Variants in TXNDC5 observed in about 807,000 individuals in gnomAD.
TXNDC5 encodes the protein thioredoxin domain-containing protein 5.
Under a neutral mutation model 52.6 loss-of-function variants are expected in TXNDC5, and 44 were observed. That is an observed-to-expected ratio of 0.84 (90% CI 0.66 to 1.08). The LOEUF is 1.08. TXNDC5 is among the 50% of genes least tolerant of loss of function. The probability of loss-of-function intolerance (pLI) is 0.00; values close to 1 mark genes in which losing one functional copy is unlikely to be tolerated. For synonymous variants in TXNDC5, 241 were observed against 234.4 expected (o/e 1.03, Z -0.26); for missense variants, 600 against 565.5 (o/e 1.06, Z -0.62).
chr6:7,888,960 G>T (rs1760100083), intron 6 of TXNDC5, 112 bp from the exon 7 acceptor site: 1 of 1,360,982 alleles, frequency 7.3e-7, no homozygotes, highest in Non-Finnish European at 9.9e-7. Context: ...TGTCTTAGCG[G>T]TGGTGCAAAG....
chr6:7,884,225 AAC>A, intron 9 of TXNDC5, 132 bp downstream of exon 9: 2 of 1,241,848 alleles, frequency 1.6e-6, no homozygotes, highest in Non-Finnish European at 2.2e-6. Context: ...TCTCCAAACA[AAC>A]AACTCAAAGG....
chr6:7,896,520 G>T (rs1760374222), intron 3 of TXNDC5, among the ~76,000 whole-genome samples: 1 of 152,226 alleles, frequency 6.6e-6, no homozygotes, highest in Non-Finnish European at 1.5e-5. Context: ...AAGCTAAGTT[G>T]TTAAAGGCTT....
chr6:7,889,733 T>A (rs1760127339), intron 5 of TXNDC5, 152 bp from the exon 6 acceptor site: 1 of 612,466 alleles, frequency 1.6e-6, no homozygotes, highest in African/African-American at 1.8e-5. Context: ...TTGAAGAGAA[T>A]GTTCCTGAAA....
At chr6:7,884,593 C>T (rs1053905017) in intron 8 of TXNDC5, 105 bp from the exon 9 acceptor site, 9 of 1,491,972 alleles carry the variant, frequency 6.0e-6, no homozygotes, top group Admixed American at 4.1e-5. Context: ...GGACAGTCAA[C>T]AATTGCCTAG....
At position 7,888,712 on chromosome 6, in the gene TXNDC5, G is replaced by A; in HGVS notation, c.956C>T (p.Ala319Val). The A allele has an allele frequency of 1.9e-6, 3 of 1,610,794 alleles. No homozygotes were observed. The highest frequency in any genetic ancestry group is 2.5e-6 in the Non-Finnish European group (3 of 1,179,036). ...EAPVLAAEPE[A>V]DKGTVLALTE... ...ACTCCAGCAGGCACCCACCTTGTCA[G>A]CCTCGGGCTCAGCTGCCAGCACCGG... Residue 319 changes from alanine to valine, a missense_variant, in exon 7 of 10, where the codon GCT becomes GTT. Coordinates refer to ENST00000379757, the MANE Select transcript of TXNDC5 (RefSeq NM_030810.5).
chr6:7,908,128 C>T (rs567147402), intron 1 of TXNDC5, among the ~76,000 whole-genome samples: 2 of 151,900 alleles, frequency 1.3e-5, no homozygotes, highest in Admixed American at 1.3e-4. Context: ...ACTAAAAATA[C>T]AAAAATTAGC....
chr6:7,892,312 C>A (rs1015338328), intron 4 of TXNDC5, among the ~76,000 whole-genome samples: 5 of 152,254 alleles, frequency 3.3e-5, no homozygotes, highest in African/African-American at 1.2e-4. Flanking sequence ...ATCAGGGAAA[C>A]ATGTAGACCA....
chr6:7,895,635 G>C (rs566185693), intron 3 of TXNDC5, among the ~76,000 whole-genome samples: 30 of 152,338 alleles, frequency 2.0e-4, no homozygotes, highest in African/African-American at 7.2e-4. Context: ...GCAGACACCA[G>C]AGTGCCCAGC....
At chr6:7,898,718 G>A (rs1010299609) in intron 3 of TXNDC5, among the ~76,000 whole-genome samples, 30 of 152,056 alleles carry the variant, frequency 2.0e-4, no homozygotes, top group African/African-American at 7.0e-4. Context: ...CTGAGCACTC[G>A]GCATTAATCA....
At chr6:7,900,874 C>G (rs756841138) in intron 2 of TXNDC5, among the ~76,000 whole-genome samples, 31 of 152,148 alleles carry the variant, frequency 2.0e-4, no homozygotes, top group Non-Finnish European at 3.2e-4. Context: ...CCTGCTCCCT[C>G]TCAAAGGCCC....
In TXNDC5 at chr6:7,900,069, G is replaced by A. The variant is rs76092208; in HGVS notation, c.414-388C>T. On this transcript the variant is annotated intron_variant, in intron 2 of 9. Coordinates refer to ENST00000379757, the MANE Select transcript of TXNDC5 (RefSeq NM_030810.5). Reference sequence around the variant, plus strand: ...TTCAAATTAGGACTGGAGCAGACACGGTGTTGTTTTGCAATTAAGGTATTC... The same window carrying A: ...TTCAAATTAGGACTGGAGCAGACACAGTGTTGTTTTGCAATTAAGGTATTC... The A allele has an allele frequency of 5.6e-4, 87 of 154,822 alleles. 1 individual carries two copies. The highest frequency in any genetic ancestry group is 2.0e-3 in the African/African-American group (83 of 41,640). The allele number at this position is 154,822 out of a possible 1,614,324, so 9.6% of individuals were successfully genotyped here.
At chr6:7,909,838 A>G in intron 1 of TXNDC5, 1 of 985,956 alleles carries the variant, frequency 1.0e-6, no homozygotes, top group South Asian at 4.7e-5. Flanking sequence ...TTTTCAGTTA[A>G]AGCCTCTGGA....
In TXNDC5 at chr6:7,888,791, G is replaced by A; in HGVS notation, c.877C>T (p.Gln293Ter). Residue 293 changes from glutamine to a stop codon, truncating the protein, a stop_gained, in exon 7 of 10, where the codon CAG (glutamine) becomes TAG (stop). Transcript: ENST00000379757. LOFTEE classifies it high-confidence loss of function. ...LESLREYVES[Q>*]LQRTETGATE... Reference sequence around the variant, plus strand: ...GCTCCAGTCTCTGTGCGCTGCAGCTGCGACTCCACGTACTCCCTCAGTGAC... The same window carrying A: ...GCTCCAGTCTCTGTGCGCTGCAGCTACGACTCCACGTACTCCCTCAGTGAC... 1 of 1,614,154 alleles carries A rather than the reference G, an allele frequency of 6.2e-7. No homozygotes were observed. The highest frequency in any genetic ancestry group is 8.5e-7 in the Non-Finnish European group (1 of 1,180,016).
chr6:7,887,566 C>A (rs921999111), intron 7 of TXNDC5, among the ~76,000 whole-genome samples: 1 of 152,172 alleles, frequency 6.6e-6, no homozygotes, highest in Admixed American at 6.5e-5. Flanking sequence ...CGCACAGTCA[C>A]GGCTGCAGCA....
chr6:7,899,489 C>T, intron 3 of TXNDC5, 87 bp downstream of exon 3: 1 of 924,544 alleles, frequency 1.1e-6, no homozygotes, highest in Non-Finnish European at 1.6e-6. Flanking sequence ...CCTCAACTGG[C>T]CTCTGCCCCG....
At chr6:7,904,453 TA>T in intron 2 of TXNDC5, 120 bp downstream of exon 2, 1 of 1,307,962 alleles carries the variant, frequency 7.6e-7, no homozygotes. Flanking sequence ...AGTTTCTCCC[TA>T]ATGACAGGGA....
Position 7,910,747 on chromosome 6 carries a change from C to T in TXNDC5, c.30G>A (p.Pro10=). The change falls in exon 1 of 10, where the codon CCG becomes CCA. Residue 10 remains proline (P), a synonymous_variant. Coordinates refer to ENST00000379757, the MANE Select transcript of TXNDC5 (RefSeq NM_030810.5). ...TCAGGGCCGCCGGCCGGGCCAGCAG[C>T]GGGAGGAGGCGTCCTGGGCGCGCGG... MPARPGRLL[P]LLARPAALTA... is the part of the protein sequence containing the mutation. 1 of 1,009,026 alleles carries T rather than the reference C, an allele frequency of 9.9e-7. No individual in the cohort carries two copies. The highest frequency in any genetic ancestry group is 1.7e-5 in the African/African-American group (1 of 57,216). 62.5% of individuals were successfully genotyped at this position (1,009,026 alleles called of 1,614,324 possible). A position where few individuals can be genotyped will look rare whatever the true frequency, so the allele number is the denominator to read the frequency against.
At chr6:7,894,898 G>A (rs1204320483) in intron 4 of TXNDC5, 4 of 985,448 alleles carry the variant, frequency 4.1e-6, no homozygotes, top group Non-Finnish European at 4.8e-6. Context: ...ATTAGACTCG[G>A]CGTTTCTATA....
intron 1 of TXNDC5, among the ~76,000 whole-genome samples, chr6:7,906,405 A>G (rs1039174274): frequency 1.1e-4 from 16 of 152,068 alleles, no homozygotes; most frequent in Middle Eastern, 3.4e-3. Flanking sequence ...GCATGGTGGC[A>G]CACGCCTGTA....
Sources: gnomAD v4.1 joint callset for allele counts (sites outside exome capture counted in the v4.1 genomes callset) on GRCh38, gnomAD v4.1.1 for gene constraint, MANE v1.5 for transcripts, NCBI Gene and HGNC (gene_info 2026-07-23, HGNC 2026-07-21) for gene names.